SNAP91: variants seen among roughly 807,000 people sequenced by gnomAD.
The protein encoded by SNAP91 is clathrin coat assembly protein AP180.
A neutral mutation model predicts 100.3 loss-of-function variants in SNAP91; 27 were observed. That is an observed-to-expected ratio of 0.27 (90% confidence interval 0.20 to 0.37). The LOEUF (loss-of-function observed/expected upper bound fraction) is 0.37. Among genes scored for constraint, SNAP91 ranks in the 10% least tolerant of loss-of-function variants. The probability of loss-of-function intolerance (pLI) is 1.00; values close to 1 mark genes in which losing one functional copy is unlikely to be tolerated. For missense variants in SNAP91, 986 were observed against 1,123.7 expected (o/e 0.88, Z 1.75); for synonymous variants, 404 against 398.6 (o/e 1.01, Z -0.16).
At chr6:83,584,196 T>C (rs1832460149) in intron 22 of SNAP91, among the ~76,000 whole-genome samples, 1 of 152,228 alleles carries the variant, frequency 6.6e-6, no homozygotes, top group African/African-American at 2.4e-5. Context: ...TAGGCAACTG[T>C]TCTATGTTGT....
chr6:83,663,358 T>C (rs2098601089), intron 3 of SNAP91, among the ~76,000 whole-genome samples: 1 of 152,170 alleles, frequency 6.6e-6, no homozygotes, highest in Non-Finnish European at 1.5e-5. Flanking sequence ...GGCCAAAAGC[T>C]AGCTCTCTTG....
At chr6:83,706,062 A>C (rs2099377132) in intron 2 of SNAP91, among the ~76,000 whole-genome samples, 1 of 152,198 alleles carries the variant, frequency 6.6e-6, no homozygotes. Flanking sequence ...AATTTTCAAA[A>C]GACTTTTCCA....
At chr6:83,645,429 A>C (rs1246199418) in intron 7 of SNAP91, among the ~76,000 whole-genome samples, 1 of 152,114 alleles carries the variant, frequency 6.6e-6, no homozygotes, top group Admixed American at 6.6e-5. Flanking sequence ...ATTGAACATC[A>C]TTATCACCCC....
intron 17 of SNAP91, among the ~76,000 whole-genome samples, chr6:83,594,114 A>C (rs2128209221): frequency 6.6e-6 from 1 of 152,330 alleles, no homozygotes; most frequent in Middle Eastern, 3.4e-3. Flanking sequence ...AAAGAGTACA[A>C]TATAGCATTA....
At chr6:83,706,825 G>A (rs1458236012) in intron 2 of SNAP91, among the ~76,000 whole-genome samples, 1 of 152,188 alleles carries the variant, frequency 6.6e-6, no homozygotes, top group Non-Finnish European at 1.5e-5. Context: ...ATCCTAAGCA[G>A]GTCAAGAGAA....
chr6:83,564,345 TTA>T (rs1057315702), intron 26 of SNAP91, among the ~76,000 whole-genome samples: 3 of 149,468 alleles, frequency 2.0e-5, no homozygotes, highest in East Asian at 1.9e-4. Flanking sequence ...CTTTTTTTTT[TTA>T]TATATATATA....
chr6:83,561,002 T>C (rs191802283), intron 26 of SNAP91, 55 bp from the exon 27 acceptor site: 2 of 1,131,860 alleles, frequency 1.8e-6, no homozygotes, highest in South Asian at 2.9e-5. Flanking sequence ...CACAAACACA[T>C]GCACGACAAT....
At chr6:83,677,514 G>A (rs183433196) in intron 2 of SNAP91, among the ~76,000 whole-genome samples, 1 of 152,268 alleles carries the variant, frequency 6.6e-6, no homozygotes, top group African/African-American at 2.4e-5. Flanking sequence ...GAAGGGGATG[G>A]TGGAGAGAAG....
At position 83,700,126 on chromosome 6, in the gene SNAP91, T is replaced by C. The variant is rs561731739; in HGVS notation, c.130+7672A>G. On this transcript the variant is annotated intron_variant, in intron 2 of 29. Transcript: ENST00000369694. The stretch of plus-strand genomic sequence containing the variant: ...CAGCACGTAAGACAGAAGTAGGTGA[T>C]TGAAGTTAAAAGTTCCTAAATTTCT... 3.9e-5 allele frequency among the ~76,000 whole-genome samples: 6 copies of C among 152,300 alleles called. 1 individual carries two copies. The highest frequency in any genetic ancestry group is 6.5e-5 in the Admixed American group (1 of 15,300).
At chr6:83,595,537 A>G (rs899752141) in intron 16 of SNAP91, among the ~76,000 whole-genome samples, 3 of 152,176 alleles carry the variant, frequency 2.0e-5, no homozygotes, top group Admixed American at 1.3e-4. Flanking sequence ...TATAGTTTCA[A>G]AAGTACAGAA....
chr6:83,593,225 C>A lies in SNAP91; in HGVS notation c.1731G>T (p.Ala577=). The change falls in exon 19 of 30, where the codon GCG becomes GCT. Residue 577 remains alanine (A), a synonymous_variant. Coordinates refer to ENST00000369694, the MANE Select transcript of SNAP91 (RefSeq NM_001242792.2). ...LFESTPEVAA[A]PKPDAAPSID... ...TGCTAGGAGCAGCATCTGGCTTAGGCGCTGCAGCAACTTCAGGAGTGGACT... is the reference window on the plus strand; with the variant it reads ...TGCTAGGAGCAGCATCTGGCTTAGGAGCTGCAGCAACTTCAGGAGTGGACT... The A allele has an allele frequency of 6.3e-7, 1 of 1,595,992 alleles. No homozygotes were observed. The highest frequency in any genetic ancestry group is 1.7e-5 in the Admixed American group (1 of 57,510).
At chr6:83,579,430 C>A (rs1824730306) in intron 24 of SNAP91, among the ~76,000 whole-genome samples, 1 of 152,142 alleles carries the variant, frequency 6.6e-6, no homozygotes, top group African/African-American at 2.4e-5. Context: ...AAAGTATTTT[C>A]ATGGTTGCTC....
chr6:83,623,708 C>T (rs1405133509), intron 8 of SNAP91, among the ~76,000 whole-genome samples: 1 of 152,038 alleles, frequency 6.6e-6, no homozygotes, highest in Non-Finnish European at 1.5e-5. Flanking sequence ...ATAGGGAATG[C>T]TCATTTAGTT....
At chr6:83,647,942 G>A (rs1206670440) in intron 7 of SNAP91, among the ~76,000 whole-genome samples, 4 of 152,102 alleles carry the variant, frequency 2.6e-5, no homozygotes, top group East Asian at 3.9e-4. Flanking sequence ...GGTATCACGT[G>A]GTGAGAGAGT....
At chr6:83,676,291 G>A (rs34641182) in intron 2 of SNAP91, among the ~76,000 whole-genome samples, 28 of 152,070 alleles carry the variant, frequency 1.8e-4, no homozygotes, top group Non-Finnish European at 1.8e-4. Flanking sequence ...GAGGAAACAC[G>A]CAGACAACTA....
intron 12 of SNAP91, among the ~76,000 whole-genome samples, 182 bp from the exon 13 acceptor site, chr6:83,607,990 C>T (rs979049048): frequency 6.6e-6 from 1 of 151,592 alleles, no homozygotes; most frequent in African/African-American, 2.4e-5. Context: ...TCAATATTGG[C>T]TAAAACATGT....
chr6:83,659,709 G>C (rs543896361), intron 5 of SNAP91, among the ~76,000 whole-genome samples: 1 of 151,984 alleles, frequency 6.6e-6, no homozygotes, highest in South Asian at 2.1e-4. Context: ...TGAGACTATA[G>C]CCATGAGCCA....
intron 8 of SNAP91, among the ~76,000 whole-genome samples, chr6:83,631,594 C>T (rs567569126): frequency 6.6e-6 from 1 of 152,022 alleles, no homozygotes; most frequent in South Asian, 2.1e-4. Flanking sequence ...ATATAATGTC[C>T]TTTTTTTGTC....
chr6:83,613,766 T>A (rs2096299818), intron 11 of SNAP91, among the ~76,000 whole-genome samples: 1 of 152,228 alleles, frequency 6.6e-6, no homozygotes, highest in Admixed American at 6.5e-5. Context: ...TGTTTCTCAC[T>A]TGATTTTCCA....
Sources: allele counts gnomAD v4.1 joint callset (sites outside exome capture counted in the v4.1 genomes callset), GRCh38; gene constraint gnomAD v4.1.1; transcripts MANE v1.5; gene names NCBI Gene and HGNC (gene_info 2026-07-23, HGNC 2026-07-21).